The following CRYBG3 variants were observed in gnomAD, a reference collection of about 807,000 sequenced individuals.
The protein encoded by CRYBG3 is very large A-kinase anchor protein.
A neutral mutation model predicts 244.2 loss-of-function variants in CRYBG3; 127 were observed. The ratio of observed to expected loss-of-function variants is 0.52; its 90% CI spans 0.45 to 0.60. CRYBG3 has a LOEUF of 0.60. Among genes scored for constraint, CRYBG3 ranks in the 20% least tolerant of loss-of-function variants. The pLI, the probability that CRYBG3 is intolerant of heterozygous loss-of-function variation, is 0.00. For missense variants in CRYBG3, 3,325 were observed against 3,442.5 expected (o/e 0.97, Z 0.85); for synonymous variants, 1,132 against 1,195.8 (o/e 0.95, Z 1.10).
chr3:97,916,788 A>G (rs1413027134), intron 17 of CRYBG3, among the ~76,000 whole-genome samples: 3 of 152,152 alleles, frequency 2.0e-5, no homozygotes, highest in Non-Finnish European at 2.9e-5. Flanking sequence ...GAACAAGAAT[A>G]TAAATAGTGT....
In CRYBG3 at chr3:97,839,695, G is replaced by A. The variant is rs1236420278; in HGVS notation, c.150-3500G>A. Reference sequence around the variant, plus strand: ...CAGGGTCTCACTCTATCACCCAGGTGGAGTACAGTGGCGTCCTGAATAGCT... The same window carrying A: ...CAGGGTCTCACTCTATCACCCAGGTAGAGTACAGTGGCGTCCTGAATAGCT... On this transcript the variant is annotated intron_variant, in intron 1 of 21. Coordinates refer to ENST00000389622, the MANE Select transcript of CRYBG3 (RefSeq NM_153605.4). Among the ~76,000 whole-genome samples the A allele has an allele frequency of 3.3e-5, 5 of 151,884 alleles. No individual in the cohort carries two copies. The East Asian group carries it at 7.8e-4, about 24-fold the overall frequency.
Position 97,873,509 on chromosome 3 carries a change from G to A in CRYBG3, c.2315G>A (p.Cys772Tyr). 1 of 1,535,950 alleles carries A rather than the reference G, an allele frequency of 6.5e-7. No individual in the cohort carries two copies. The highest frequency in any genetic ancestry group is 8.7e-7 in the Non-Finnish European group (1 of 1,146,772). The change falls in exon 4 of 22, where the codon TGC (cysteine) becomes TAC (tyrosine). Residue 772 changes from cysteine (C) to tyrosine (Y), a missense_variant. Cys to Tyr is a radical substitution (Grantham distance 194). Coordinates refer to ENST00000389622, the MANE Select transcript of CRYBG3 (RefSeq NM_153605.4). Reference protein sequence around the residue: ...SFDSGNLSKDCSSILSQDPNR... With the variant: ...SFDSGNLSKDYSSILSQDPNR... ...GACTCTGGAAACCTCTCTAAGGATT[G>A]CAGTTCCATTTTATCTCAAGACCCT...
intron 15 of CRYBG3, among the ~76,000 whole-genome samples, chr3:97,905,007 C>A (rs548741803): frequency 2.7e-5 from 4 of 150,706 alleles, no homozygotes; most frequent in Admixed American, 2.7e-4. Flanking sequence ...TTTGTTCTTG[C>A]GATAGTATAG....
chr3:97,855,772 G>C (rs1238500573), intron 2 of CRYBG3, among the ~76,000 whole-genome samples: 1 of 152,124 alleles, frequency 6.6e-6, no homozygotes, highest in Admixed American at 6.5e-5. Flanking sequence ...GTTTTTGTTA[G>C]GGTTTTCAAA....
chr3:97,851,937 G>A (rs1300696567), intron 2 of CRYBG3, among the ~76,000 whole-genome samples: 2 of 152,160 alleles, frequency 1.3e-5, no homozygotes, highest in South Asian at 2.1e-4. Context: ...GCGCAGTTAT[G>A]GTGATGGTGT....
intron 17 of CRYBG3, 97 bp downstream of exon 17, chr3:97,915,833 G>A: frequency 1.0e-6 from 1 of 1,004,916 alleles, no homozygotes; most frequent in Non-Finnish European, 1.4e-6. Context: ...ATGATACAAG[G>A]AGAAATATAA....
intron 17 of CRYBG3, chr3:97,924,401 A>G: frequency 2.2e-6 from 1 of 454,774 alleles, no homozygotes; most frequent in Non-Finnish European, 4.4e-6. Flanking sequence ...GCACAAATGA[A>G]TAAGAAAAAG....
chr3:97,943,632 T>C lies in CRYBG3; in HGVS notation c.*318T>C. 3.4e-6 allele frequency: 1 copy of C among 290,278 alleles called. No individual in the cohort carries two copies. Among genetic ancestry groups the C allele is most frequent in the Non-Finnish European group, 6.3e-6 (1 of 158,274 alleles). 18.0% of individuals were successfully genotyped at this position (290,278 alleles called of 1,614,324 possible). A position where few individuals can be genotyped will look rare whatever the true frequency, so the allele number is the denominator to read the frequency against. On this transcript the variant is annotated 3_prime_UTR_variant, in exon 22 of 22. Coordinates refer to ENST00000389622, the MANE Select transcript of CRYBG3 (RefSeq NM_153605.4). ...ATCCACCAAACGTGAATCCTGTTCCTGATGGCCCGTTATTGGACACTGGTG... is the reference window on the plus strand; with the variant it reads ...ATCCACCAAACGTGAATCCTGTTCCCGATGGCCCGTTATTGGACACTGGTG...
chr3:97,827,797 T>C (rs1186362819), intron 1 of CRYBG3, among the ~76,000 whole-genome samples: 1 of 152,152 alleles, frequency 6.6e-6, no homozygotes, highest in Non-Finnish European at 1.5e-5. Flanking sequence ...AGTCTCACAA[T>C]ATTGGTAGTA....
chr3:97,931,807 T>C (rs113169135), intron 17 of CRYBG3, among the ~76,000 whole-genome samples: 3,433 of 152,124 alleles, frequency 0.023, 63 homozygotes, highest in African/African-American at 0.042. Flanking sequence ...TGGCCATCCT[T>C]TACTCCTAAC....
chr3:97,893,441 C>T (rs749606297), intron 11 of CRYBG3, among the ~76,000 whole-genome samples: 11 of 152,212 alleles, frequency 7.2e-5, no homozygotes, highest in African/African-American at 1.2e-4. Flanking sequence ...GGTTGCCCTC[C>T]GGGCTCTGAA....
chr3:97,834,692 T>C (rs1363412869), intron 1 of CRYBG3, among the ~76,000 whole-genome samples: 3 of 152,150 alleles, frequency 2.0e-5, no homozygotes, highest in African/African-American at 7.2e-5. Context: ...TTATGGTGTT[T>C]CATTGTTCTA....
chr3:97,915,577 A>G (rs372028028), intron 16 of CRYBG3, 33 bp from the exon 17 acceptor site: 104 of 1,589,006 alleles, frequency 6.5e-5, no homozygotes, highest in Non-Finnish European at 8.9e-5. Context: ...AGTGAATGCA[A>G]TTTGATTGAA....
rs1164796539 is a variant in CRYBG3 at position 97,943,314 on chromosome 3, A to G, written c.8913A>G (p.Ter2971TrpextTer6). 1.3e-6 allele frequency: 2 copies of G among 1,532,410 alleles called. No homozygotes were observed. Among genetic ancestry groups the G allele is most frequent in the African/African-American group, 1.4e-5 (1 of 72,942 alleles). 94.9% of individuals were successfully genotyped at this position (1,532,410 alleles called of 1,614,324 possible). ...AGAAATGGGACATTGAAATATTGTG[A>G]GAGAATCAACATCCCTAGAAAGATC... is the stretch of plus-strand genomic sequence containing the variant. ...ETQKWDIEIL[*>W] Residue 2971 changes from the stop codon to tryptophan (W), a stop_lost, in exon 22 of 22, where the codon TGA becomes TGG. Coordinates refer to ENST00000389622, the MANE Select transcript of CRYBG3 (RefSeq NM_153605.4).
Position 97,875,320 on chromosome 3 carries a change from G to A in CRYBG3, c.4126G>A (p.Val1376Ile). The A allele has an allele frequency of 9.1e-6, 13 of 1,435,716 alleles. No homozygotes were observed. The highest frequency in any genetic ancestry group is 1.2e-5 in the Non-Finnish European group (13 of 1,101,784). The allele number at this position is 1,435,716 out of a possible 1,614,324, so 88.9% of individuals were successfully genotyped here. A position where few individuals can be genotyped will look rare whatever the true frequency, so the allele number is the denominator to read the frequency against. The part of the protein sequence containing the change: ...NQSTQISENK[V>I]LNEFFSLSNL... ...AAGCACACAAATTAGTGAAAATAAA[G>A]TATTAAATGAATTCTTCTCCCTAAG... The change falls in exon 4 of 22, where the codon GTA (valine) becomes ATA (isoleucine). Residue 1376 changes from valine (V) to isoleucine (I), a missense_variant. Physicochemically the swap from Val to Ile is conservative, Grantham distance 29. Coordinates refer to ENST00000389622, the MANE Select transcript of CRYBG3 (RefSeq NM_153605.4).
At chr3:97,871,060 T>A (rs1408808199) in intron 3 of CRYBG3, among the ~76,000 whole-genome samples, 1 of 152,128 alleles carries the variant, frequency 6.6e-6, no homozygotes, top group Non-Finnish European at 1.5e-5. Flanking sequence ...ATGATGTGTG[T>A]AATTGGCTAT....
intron 16 of CRYBG3, among the ~76,000 whole-genome samples, chr3:97,915,162 G>A (rs1413208523): frequency 6.6e-6 from 1 of 152,034 alleles, no homozygotes; most frequent in African/African-American, 2.4e-5. Flanking sequence ...ATCTGTTCAG[G>A]TACTTAATAA....
At chr3:97,842,569 A>T (rs2038836765) in intron 1 of CRYBG3, among the ~76,000 whole-genome samples, 1 of 152,128 alleles carries the variant, frequency 6.6e-6, no homozygotes, top group Non-Finnish European at 1.5e-5. Flanking sequence ...AGAAAAAAAA[A>T]ATCTTAAATG....
chr3:97,853,171 C>A (rs1197441282), intron 2 of CRYBG3, among the ~76,000 whole-genome samples: 3 of 149,708 alleles, frequency 2.0e-5, no homozygotes, highest in African/African-American at 7.4e-5. Flanking sequence ...CTCCCACCCT[C>A]CCCCCAAAGT....
Sources: gnomAD v4.1 joint callset for allele counts (sites outside exome capture counted in the v4.1 genomes callset) on GRCh38, gnomAD v4.1.1 for gene constraint, MANE v1.5 for transcripts, NCBI Gene and HGNC (gene_info 2026-07-23, HGNC 2026-07-21) for gene names.